The following PDLIM1 variants were observed in gnomAD, a reference collection of about 807,000 sequenced individuals.
PDLIM1 encodes PDZ and LIM domain protein 1.
A neutral mutation model predicts 35.2 loss-of-function variants in PDLIM1; 25 were observed. The observed-to-expected ratio is 0.71, with a 90% CI of 0.52 to 0.99. PDLIM1 has a LOEUF of 0.99. Ranked by LOEUF, PDLIM1 falls within the 50% of genes least tolerant of loss-of-function variation. PDLIM1 has a pLI of 0.00. For synonymous variants in PDLIM1, 152 were observed against 154.0 expected (o/e 0.99, Z 0.10); for missense variants, 363 against 415.3 (o/e 0.87, Z 1.09).
intron 1 of PDLIM1, among the ~76,000 whole-genome samples, chr10:95,276,104 A>G (rs1456408458): frequency 6.6e-6 from 1 of 152,196 alleles, no homozygotes; most frequent in African/African-American, 2.4e-5. Flanking sequence ...TGAGATAATA[A>G]TATGATTACC....
intron 5 of PDLIM1, among the ~76,000 whole-genome samples, chr10:95,244,087 T>C (rs540286501): frequency 6.6e-6 from 1 of 152,304 alleles, no homozygotes; most frequent in East Asian, 1.9e-4. Context: ...ACTTAAAATT[T>C]GTTAAGATGG....
rs45466092 is a variant in PDLIM1 at position 95,251,339 on chromosome 10, G to A, written c.534-3973C>T. Among the ~76,000 whole-genome samples, 423 of 151,916 alleles carry A rather than the reference G, an allele frequency of 2.8e-3. 2 individuals carry two copies. The highest frequency in any genetic ancestry group is 4.2e-3 in the Non-Finnish European group (284 of 67,984). ...CGGTGGCTCACACCTTTAGGAGGCCGAAGCAGGTGAATTGCCTGAGCTCAG... is the reference window on the plus strand; with the variant it reads ...CGGTGGCTCACACCTTTAGGAGGCCAAAGCAGGTGAATTGCCTGAGCTCAG... On this transcript the variant is annotated intron_variant, in intron 4 of 6. Coordinates refer to ENST00000329399, the MANE Select transcript of PDLIM1 (RefSeq NM_020992.4).
chr10:95,261,856 A>C (rs1435218263), intron 4 of PDLIM1, among the ~76,000 whole-genome samples: 2 of 152,024 alleles, frequency 1.3e-5, no homozygotes, highest in African/African-American at 2.4e-5. Flanking sequence ...TAAAAACACA[A>C]AATTATCCGG....
chr10:95,290,942 G>A lies in PDLIM1; in HGVS notation c.-27C>T, dbSNP rs772454674. On this transcript the variant is annotated 5_prime_UTR_variant, in exon 1 of 7. Coordinates refer to ENST00000329399, the MANE Select transcript of PDLIM1 (RefSeq NM_020992.4). The surrounding 1 kb of genome is among the most constrained non-coding windows in gnomAD (Gnocchi z 4.7). ...GCGCGGCTGTGGCGGGCGACGACCC[G>A]CGGGGACAGACGGGCAGGACGCGCG... is the stretch of plus-strand genomic sequence containing the variant. 8 of 1,458,998 alleles carry A rather than the reference G, an allele frequency of 5.5e-6. No individual in the cohort carries two copies. In the South Asian group the frequency reaches 6.1e-5, roughly 11 times the overall value. The allele number at this position is 1,458,998 out of a possible 1,614,324, so 90.4% of individuals were successfully genotyped here.
chr10:95,285,052 T>C (rs1401471281), intron 1 of PDLIM1, among the ~76,000 whole-genome samples: 1 of 152,210 alleles, frequency 6.6e-6, no homozygotes, highest in African/African-American at 2.4e-5. Flanking sequence ...TGCCTGGTCA[T>C]CTTCATCTAC....
At chr10:95,255,274 A>C (rs1286883592) in intron 4 of PDLIM1, among the ~76,000 whole-genome samples, 1 of 151,652 alleles carries the variant, frequency 6.6e-6, no homozygotes, top group Non-Finnish European at 1.5e-5. Flanking sequence ...GAATGCTTCC[A>C]AACTCATTCT....
At chr10:95,266,727 C>T (rs921318882) in intron 3 of PDLIM1, among the ~76,000 whole-genome samples, 3 of 152,052 alleles carry the variant, frequency 2.0e-5, no homozygotes, top group Non-Finnish European at 2.9e-5. Context: ...GTTGAAAATT[C>T]GGATGATTTC....
intron 5 of PDLIM1, among the ~76,000 whole-genome samples, chr10:95,240,727 C>T (rs2035170986): frequency 6.6e-6 from 1 of 152,182 alleles, no homozygotes; most frequent in Admixed American, 6.5e-5. Flanking sequence ...CATCAGAATA[C>T]AGCATGCTAC....
Position 95,248,541 on chromosome 10 carries a change from C to T in PDLIM1, c.534-1175G>A, listed in dbSNP as rs146981021. On this transcript the variant is annotated intron_variant, in intron 4 of 6. Coordinates refer to ENST00000329399, the MANE Select transcript of PDLIM1 (RefSeq NM_020992.4). ...AGGATTATAGGCATGGGCCAGAGTG[C>T]CTGGCCTAGAATGATATTTTAAACA... is the stretch of plus-strand genomic sequence containing the variant. 4.4e-3 allele frequency among the ~76,000 whole-genome samples: 672 copies of T among 152,338 alleles called. 1 individual carries two copies. Among genetic ancestry groups the T allele is most frequent in the African/African-American group, 0.015 (635 of 41,572 alleles).
intron 1 of PDLIM1, among the ~76,000 whole-genome samples, chr10:95,281,218 C>G (rs1410596): frequency 0.66 from 99,873 of 151,750 alleles, 33,154 homozygotes; most frequent in East Asian, 0.9. Context: ...AAAATACATA[C>G]AAAGCCCTTG....
At chr10:95,278,135 A>G (rs944761503) in intron 1 of PDLIM1, among the ~76,000 whole-genome samples, 4 of 152,206 alleles carry the variant, frequency 2.6e-5, no homozygotes, top group Non-Finnish European at 5.9e-5. Context: ...ATTCTGAAAG[A>G]CAGTGTAACT....
intron 5 of PDLIM1, among the ~76,000 whole-genome samples, chr10:95,242,293 C>A (rs2035185367): frequency 6.6e-6 from 1 of 152,166 alleles, no homozygotes; most frequent in Non-Finnish European, 1.5e-5. Flanking sequence ...AAAGTTCCAA[C>A]TTTGTTCACC....
intron 4 of PDLIM1, among the ~76,000 whole-genome samples, chr10:95,253,867 C>T (rs895811058): frequency 2.0e-5 from 3 of 151,934 alleles, no homozygotes; most frequent in Non-Finnish European, 4.4e-5. Flanking sequence ...CAAAGGTTCA[C>T]AAAGAGAAGC....
chr10:95,245,324 G>T (rs2133411652), intron 5 of PDLIM1, among the ~76,000 whole-genome samples: 3 of 152,300 alleles, frequency 2.0e-5, no homozygotes, highest in Middle Eastern at 6.8e-3. Flanking sequence ...TAAGCATGAT[G>T]GTTGGAACAC....
intron 2 of PDLIM1, among the ~76,000 whole-genome samples, 173 bp from the exon 3 acceptor site, chr10:95,269,035 T>C (rs936174676): frequency 2.0e-5 from 3 of 152,166 alleles, no homozygotes; most frequent in Non-Finnish European, 4.4e-5. Flanking sequence ...CCCAATCTGA[T>C]AACATCCATG....
chr10:95,252,220 C>T (rs1025803005), intron 4 of PDLIM1, among the ~76,000 whole-genome samples: 6 of 152,158 alleles, frequency 3.9e-5, no homozygotes, highest in Admixed American at 2.0e-4. Flanking sequence ...AGAATCAGGA[C>T]TCTCACCACT....
At chr10:95,276,921 A>AC (rs773283690) in intron 1 of PDLIM1, among the ~76,000 whole-genome samples, 21,774 of 132,524 alleles carry the variant, frequency 0.16, 2,658 homozygotes, top group Non-Finnish European at 0.25. Flanking sequence ...AAAAAAAAAA[A>AC]AAACTTCTGG....
At chr10:95,256,974 T>TTAA (rs1407025156) in intron 4 of PDLIM1, among the ~76,000 whole-genome samples, 8 of 17,348 alleles carry the variant, frequency 4.6e-4, no homozygotes, top group African/African-American at 6.6e-4. Flanking sequence ...GACTTCATCT[T>TTAA]AAAAAAAAAA....
At chr10:95,250,366 A>C (rs930143743) in intron 4 of PDLIM1, among the ~76,000 whole-genome samples, 3 of 152,034 alleles carry the variant, frequency 2.0e-5, no homozygotes, top group African/African-American at 7.3e-5. Context: ...AAAAAAAAAA[A>C]AACTTACCAT....
Sources: allele counts gnomAD v4.1 joint callset (sites outside exome capture counted in the v4.1 genomes callset), GRCh38; gene constraint gnomAD v4.1.1; non-coding constraint Gnocchi (gnomAD v3.1); transcripts MANE v1.5; gene names NCBI Gene and HGNC (gene_info 2026-07-23, HGNC 2026-07-21).